Variants in RASGRF1 observed in about 807,000 individuals in gnomAD.
The protein encoded by RASGRF1 is Ras protein specific guanine nucleotide releasing factor 1.
Under a neutral mutation model 138.7 loss-of-function variants are expected in RASGRF1, and 40 were observed. That is an observed-to-expected ratio of 0.29 (90% CI 0.22 to 0.38). The LOEUF (loss-of-function observed/expected upper bound fraction) is 0.38, where lower values mean the gene tolerates loss of function less well. Among genes scored for constraint, RASGRF1 ranks in the 10% least tolerant of loss-of-function variants. The pLI is 1.00. For synonymous variants in RASGRF1, 614 were observed against 663.2 expected, an observed-to-expected ratio of 0.93 and a Z score of 1.14; for missense variants, 1,108 against 1,650.4, an observed-to-expected ratio of 0.67 and a Z score of 5.69.
chr15:79,074,429 C>G (rs1386488522), intron 1 of RASGRF1, among the ~76,000 whole-genome samples: 3 of 152,222 alleles, frequency 2.0e-5, no homozygotes, highest in African/African-American at 7.2e-5. Context: ...CCGAACCTGG[C>G]TTAGCCCAGT....
intron 1 of RASGRF1, among the ~76,000 whole-genome samples, chr15:79,082,349 A>T (rs1438392873): frequency 6.6e-6 from 1 of 152,158 alleles, no homozygotes; most frequent in Non-Finnish European, 1.5e-5. Context: ...CCAATGAGAC[A>T]TCTGTCACAC....
chr15:78,981,562 A>G (rs554426281), intron 23 of RASGRF1: 2 of 152,308 alleles, frequency 1.3e-5, no homozygotes, highest in African/African-American at 2.4e-5. Context: ...GAGGCCAAGC[A>G]CACGCCCAAT....
chr15:78,977,384 G>T lies in RASGRF1; in HGVS notation c.3494+3236C>A, dbSNP rs181150629. Reference sequence around the variant, plus strand: ...GAATCCCCTGGGGCCAGGGTCCAAGGTTCTGGCACGAGGTACAGGGTGATC... The same window carrying T: ...GAATCCCCTGGGGCCAGGGTCCAAGTTTCTGGCACGAGGTACAGGGTGATC... On this transcript the variant is annotated intron_variant, in intron 24 of 26. Transcript: ENST00000558480. 7.4e-4 allele frequency among the ~76,000 whole-genome samples: 113 copies of T among 152,196 alleles called. 1 individual carries two copies. Among genetic ancestry groups the T allele is most frequent in the Admixed American group, 7.2e-3 (110 of 15,298 alleles).
chr15:78,959,926 G>A lies in RASGRF1; in HGVS notation c.*2218C>T, dbSNP rs952530807. On this transcript the variant is annotated 3_prime_UTR_variant, in exon 27 of 27. Coordinates refer to ENST00000558480, the MANE Select transcript of RASGRF1 (RefSeq NM_001145648.3). ...CATTCTTCCTTCTTTACCATTAACT[G>A]TTTAATAGTACTTAATACCATTAAT... 1.3e-5 allele frequency: 2 copies of A among 152,034 alleles called. No homozygotes were observed. Among genetic ancestry groups the A allele is most frequent in the African/African-American group, 4.8e-5 (2 of 41,316 alleles). 9.4% of individuals were successfully genotyped at this position (152,034 alleles called of 1,614,324 possible).
intron 1 of RASGRF1, 108 bp downstream of exon 1, chr15:79,090,115 C>A: frequency 7.2e-7 from 1 of 1,389,796 alleles, no homozygotes; most frequent in African/African-American, 1.5e-5. Flanking sequence ...GCCTAGGGCG[C>A]CAAGAGTAGA....
At chr15:79,010,919 T>C (rs1383025981) in intron 13 of RASGRF1, among the ~76,000 whole-genome samples, 1 of 152,148 alleles carries the variant, frequency 6.6e-6, no homozygotes, top group East Asian at 1.9e-4. Context: ...TAGGGGCTGG[T>C]GGGAGTACTC....
chr15:78,980,853 C>T, intron 23 of RASGRF1, 154 bp from the exon 24 acceptor site: 1 of 516,084 alleles, frequency 1.9e-6, no homozygotes, highest in South Asian at 3.5e-5. Flanking sequence ...GCACCTTGCC[C>T]CTGAACTCCT....
chr15:79,072,103 A>C lies in RASGRF1; in HGVS notation c.277-7577T>G, dbSNP rs1195160195. 3.3e-5 allele frequency among the ~76,000 whole-genome samples: 5 copies of C among 152,020 alleles called. No individual in the cohort carries two copies. The South Asian group carries it at 8.3e-4, about 25-fold the overall frequency. The stretch of plus-strand genomic sequence containing the variant: ...GGAGTCACAGGCCTGCTTTGGTTCA[A>C]GGCCCAAGCTCCAAAGCCTCAGTCA... On this transcript the variant is annotated intron_variant, in intron 1 of 26. Transcript: ENST00000558480.
chr15:78,984,898 G>T, intron 23 of RASGRF1, 109 bp downstream of exon 23: 1 of 1,224,290 alleles, frequency 8.2e-7, no homozygotes, highest in Non-Finnish European at 1.2e-6. Context: ...TTAGACCTCA[G>T]CCCAGTACTT....
chr15:79,004,585 T>C (rs2141716713), intron 14 of RASGRF1: 1 of 966,764 alleles, frequency 1.0e-6, no homozygotes, highest in Non-Finnish European at 1.2e-6. Flanking sequence ...ATGAGGAAGC[T>C]GAGGCTCAGA....
At position 79,058,368 on chromosome 15, in the gene RASGRF1, T is replaced by A. The variant is rs1354758085; in HGVS notation, c.497A>T (p.Asp166Val). The A allele has an allele frequency of 6.2e-7, 1 of 1,613,944 alleles. No homozygotes were observed. Among genetic ancestry groups the A allele is most frequent in the Non-Finnish European group, 8.5e-7 (1 of 1,180,024 alleles). ...CAGCCGCTCGATCTCGATCTCCCCA[T>A]CCTCGATCTGCTGCCGAAGCTGCTT... ...VAKQLRQQIE[D>V]GEIEIERLKA... Residue 166 changes from aspartate to valine, a missense_variant, in exon 3 of 27, where the codon GAT becomes GTT. This residue lies in a region of RASGRF1 where 253 missense variants were observed against 329.5 expected (regional missense o/e 0.77). Transcript: ENST00000558480.
intron 5 of RASGRF1, among the ~76,000 whole-genome samples, chr15:79,037,229 G>A (rs1435995671): frequency 1.3e-5 from 2 of 152,092 alleles, no homozygotes; most frequent in Non-Finnish European, 2.9e-5. Flanking sequence ...AAGGAAGAAT[G>A]TCTGACTTGA....
At chr15:79,065,119 G>C (rs888608545) in intron 1 of RASGRF1, among the ~76,000 whole-genome samples, 4 of 152,340 alleles carry the variant, frequency 2.6e-5, no homozygotes, top group Middle Eastern at 3.4e-3. Flanking sequence ...TGTTATATGA[G>C]TTAAATGCAT....
At chr15:78,980,987 C>A in intron 23 of RASGRF1, 1 of 287,864 alleles carries the variant, frequency 3.5e-6, no homozygotes, top group Non-Finnish European at 6.5e-6. Flanking sequence ...GATCCCGAGA[C>A]CTGGGCAGTT....
rs2058044412 is a variant in RASGRF1 at position 79,090,644 on chromosome 15, A to G, written c.-146T>C. 6.1e-6 allele frequency: 7 copies of G among 1,151,274 alleles called. No homozygotes were observed. The highest frequency in any genetic ancestry group is 8.5e-6 in the Non-Finnish European group (7 of 825,548). 71.3% of individuals were successfully genotyped at this position (1,151,274 alleles called of 1,614,324 possible). A position where few individuals can be genotyped will look rare whatever the true frequency, so the allele number is the denominator to read the frequency against. Reference sequence around the variant, plus strand: ...CCCTCCCCCCAAATATCTACACTCCAGGATCTGGCGCCGAGCCGCGGCTTC... The same window carrying G: ...CCCTCCCCCCAAATATCTACACTCCGGGATCTGGCGCCGAGCCGCGGCTTC... On this transcript the variant is annotated 5_prime_UTR_variant, in exon 1 of 27. Transcript: ENST00000558480.
chr15:78,962,747 G>A, intron 26 of RASGRF1, among the ~76,000 whole-genome samples: 1 of 152,178 alleles, frequency 6.6e-6, no homozygotes, highest in Non-Finnish European at 1.5e-5. Flanking sequence ...GCTGGGTATT[G>A]TGGTGTGCAC....
At chr15:79,002,734 T>C (rs975849882) in intron 15 of RASGRF1, among the ~76,000 whole-genome samples, 4 of 152,210 alleles carry the variant, frequency 2.6e-5, no homozygotes, top group Admixed American at 2.6e-4. Context: ...GCTGCATGCA[T>C]CACCCATTAA....
chr15:79,046,072 G>A lies in RASGRF1; in HGVS notation c.878+674C>T, dbSNP rs184892067. ...AGAAGTTGACAGCAGAAGAGCAGCC[G>A]TCAGCACAGCCTTCTGAAGAACCAC... is the stretch of plus-strand genomic sequence containing the variant. On this transcript the variant is annotated intron_variant, in intron 5 of 26. Coordinates refer to ENST00000558480, the MANE Select transcript of RASGRF1 (RefSeq NM_001145648.3). The surrounding 1 kb of genome is among the most constrained non-coding windows in gnomAD (Gnocchi z 5.3). Among the ~76,000 whole-genome samples, 29 of 152,236 alleles carry A rather than the reference G, an allele frequency of 1.9e-4. No homozygotes were observed. Among genetic ancestry groups the A allele is most frequent in the African/African-American group, 5.3e-4 (22 of 41,538 alleles).
intron 2 of RASGRF1, among the ~76,000 whole-genome samples, chr15:79,059,387 CCCTTCCCTTCCCTTCCCT>C (rs2057563440): frequency 1.0e-5 from 1 of 97,060 alleles, no homozygotes; most frequent in African/African-American, 4.5e-5. Context: ...CCCTTCCCTT[CCCTTCCCTTCCCTTCCCT>C]TCCCTTCCCT....
Sources: allele counts gnomAD v4.1 joint callset (sites outside exome capture counted in the v4.1 genomes callset), GRCh38; gene constraint gnomAD v4.1.1; regional missense constraint gnomAD v4.1.1; non-coding constraint Gnocchi (gnomAD v3.1); transcripts MANE v1.5; gene names NCBI Gene and HGNC (gene_info 2026-07-23, HGNC 2026-07-21).